ANKRD17: variants seen among roughly 807,000 people sequenced by gnomAD.
ANKRD17 encodes ankyrin repeat domain 17.
Under a neutral mutation model 229.7 loss-of-function variants are expected in ANKRD17, and 19 were observed. The ratio of observed to expected loss-of-function variants is 0.08; its 90% confidence interval spans 0.06 to 0.12. The LOEUF (loss-of-function observed/expected upper bound fraction) is 0.12, where lower values mean the gene tolerates loss of function less well. ANKRD17 is among the 10% of genes least tolerant of loss of function. The probability of loss-of-function intolerance (pLI) is 1.00; values close to 1 mark genes in which losing one functional copy is unlikely to be tolerated. For missense variants in ANKRD17, 2,176 were observed against 3,176.8 expected (o/e 0.68, Z 7.57); for synonymous variants, 1,112 against 1,146.1 (o/e 0.97, Z 0.60).
chr4:73,228,879 A>C (rs1158086858), intron 1 of ANKRD17, among the ~76,000 whole-genome samples: 1 of 152,224 alleles, frequency 6.6e-6, no homozygotes, highest in African/African-American at 2.4e-5. Flanking sequence ...ACTTGGAACC[A>C]ACCCAAATGT....
At chr4:73,215,937 G>A (rs894338379) in intron 1 of ANKRD17, among the ~76,000 whole-genome samples, 2 of 152,132 alleles carry the variant, frequency 1.3e-5, no homozygotes, top group Non-Finnish European at 2.9e-5. Flanking sequence ...ATGGTGGCTG[G>A]CACCTGTAGT....
intron 7 of ANKRD17, among the ~76,000 whole-genome samples, chr4:73,151,155 C>A (rs546241299): frequency 2.6e-5 from 4 of 152,242 alleles, no homozygotes; most frequent in Admixed American, 2.6e-4. Flanking sequence ...AGATTACAGT[C>A]ATAAGCCACC....
chr4:73,238,826 C>G (rs1046273749), intron 1 of ANKRD17, among the ~76,000 whole-genome samples: 1 of 152,142 alleles, frequency 6.6e-6, no homozygotes, highest in Non-Finnish European at 1.5e-5. Flanking sequence ...AGCAGACTTT[C>G]ATGTGAGACT....
intron 16 of ANKRD17, among the ~76,000 whole-genome samples, chr4:73,132,335 CTA>C (rs1269353673): frequency 7.9e-5 from 12 of 152,118 alleles, no homozygotes; most frequent in African/African-American, 2.9e-4. Context: ...TCTCGAACTC[CTA>C]ACCTCAGGTG....
At chr4:73,195,481 T>A (rs368622399) in intron 1 of ANKRD17, among the ~76,000 whole-genome samples, 2 of 152,056 alleles carry the variant, frequency 1.3e-5, no homozygotes, top group African/African-American at 4.8e-5. Context: ...GTGCACGAAG[T>A]CATGTAGACT....
Position 73,140,234 on chromosome 4 carries a change from A to G in ANKRD17, c.2382T>C (p.Asp794=), listed in dbSNP as rs201636925. 3.2e-5 allele frequency: 51 copies of G among 1,602,220 alleles called. No individual in the cohort carries two copies. In the East Asian group the frequency reaches 1.1e-3, roughly 36 times the overall value. The change falls in exon 15 of 34, where the codon GAT becomes GAC. Residue 794 remains aspartate, a synonymous_variant. Coordinates refer to ENST00000358602, the MANE Select transcript of ANKRD17 (RefSeq NM_032217.5). ...SSSHLPANSQ[D]VQGYITNQSP... ...ACTGATTGGTGATGTAACCCTGTAC[A>G]TCCTGGCTGTTTGCTGGCAAATGGC...
chr4:73,119,240 A>G (rs186332756), intron 21 of ANKRD17, among the ~76,000 whole-genome samples: 166 of 152,268 alleles, frequency 1.1e-3, no homozygotes, highest in African/African-American at 3.9e-3. Context: ...AACTATCAAC[A>G]TGTGAAAATA....
chr4:73,083,924 G>A (rs1427468051), intron 30 of ANKRD17, among the ~76,000 whole-genome samples: 4 of 132,562 alleles, frequency 3.0e-5, no homozygotes, highest in Non-Finnish European at 6.5e-5. Flanking sequence ...GAAGAAATTT[G>A]ATAGTTAAAA....
At chr4:73,227,857 A>T (rs1475481126) in intron 1 of ANKRD17, among the ~76,000 whole-genome samples, 2 of 152,194 alleles carry the variant, frequency 1.3e-5, no homozygotes, top group Non-Finnish European at 2.9e-5. Flanking sequence ...GTTTTGCATG[A>T]CTTAACACTT....
In ANKRD17 at chr4:73,258,728, A is replaced by C; in HGVS notation, c.-60T>G. 7.3e-7 allele frequency: 1 copy of C among 1,368,670 alleles called. No homozygotes were observed. The highest frequency in any genetic ancestry group is 9.3e-7 in the Non-Finnish European group (1 of 1,070,238). 84.8% of individuals were successfully genotyped at this position (1,368,670 alleles called of 1,614,324 possible). On this transcript the variant is annotated 5_prime_UTR_variant, in exon 1 of 34. Transcript: ENST00000358602. ...GGGCGTGGGGCTACGCTCTACCGCG[A>C]CTTCGGCCGCACTGGGGCCGACACA...
intron 24 of ANKRD17, chr4:73,113,453 G>T: frequency 8.9e-7 from 1 of 1,128,616 alleles, no homozygotes; most frequent in Non-Finnish European, 1.2e-6. Flanking sequence ...AAATTACAAG[G>T]TCTAAAACAA....
rs1379772063 is a variant in ANKRD17 at position 73,085,331 on chromosome 4, T to C, written c.7077A>G (p.Gly2359=). Residue 2359 remains glycine, a synonymous_variant, in exon 30 of 34, where the codon GGA becomes GGG. Coordinates refer to ENST00000358602, the MANE Select transcript of ANKRD17 (RefSeq NM_032217.5). ...GQMYGPGAPL[G]GAPAAANFNR... The stretch of plus-strand genomic sequence containing the variant: ...TAAAGTTAGCAGCTGCGGGTGCTCC[T>C]CCAAGGGGTGCCCCAGGTCCGTACA... 6.2e-7 allele frequency: 1 copy of C among 1,614,140 alleles called. No homozygotes were observed. Among genetic ancestry groups the C allele is most frequent in the East Asian group, 2.2e-5 (1 of 44,868 alleles).
chr4:73,091,620 A>T lies in ANKRD17; in HGVS notation c.6008T>A (p.Val2003Glu). The T allele has an allele frequency of 3.1e-6, 5 of 1,614,194 alleles. No homozygotes were observed. In the South Asian group the frequency reaches 5.5e-5, roughly 18 times the overall value. ...TGTTGTGGTGGCATTGGATGTCTTC[A>T]CAACTGTGACAAAAAGCTGCCTTCG... is the stretch of plus-strand genomic sequence containing the variant. ...SVRRQLFVTV[V>E]KTSNATTTTV... The change falls in exon 29 of 34, where the codon GTG becomes GAG. Residue 2003 changes from valine (V) to glutamate (E), a missense_variant. Transcript: ENST00000358602.
intron 29 of ANKRD17, among the ~76,000 whole-genome samples, chr4:73,088,357 G>T (rs1299279781): frequency 6.6e-6 from 1 of 152,104 alleles, no homozygotes; most frequent in East Asian, 1.9e-4. Flanking sequence ...TTAGGTAATT[G>T]ACTTGTAAGT....
chr4:73,135,405 C>G, intron 15 of ANKRD17, 140 bp from the exon 16 acceptor site: 1 of 692,724 alleles, frequency 1.4e-6, no homozygotes, highest in Non-Finnish European at 2.2e-6. Context: ...AACTAATTTT[C>G]CTGGTTATTA....
chr4:73,249,568 T>A (rs1448962035), intron 1 of ANKRD17, among the ~76,000 whole-genome samples: 3 of 152,180 alleles, frequency 2.0e-5, no homozygotes, highest in African/African-American at 7.2e-5. Context: ...TATACTTAAG[T>A]AAAATCGGCC....
At chr4:73,249,891 G>A (rs1744833343) in intron 1 of ANKRD17, among the ~76,000 whole-genome samples, 1 of 152,056 alleles carries the variant, frequency 6.6e-6, no homozygotes, top group Non-Finnish European at 1.5e-5. Flanking sequence ...AAATTAAAAA[G>A]AAAGAATATA....
intron 24 of ANKRD17, among the ~76,000 whole-genome samples, chr4:73,112,416 C>G (rs1275735985): frequency 6.6e-6 from 1 of 152,156 alleles, no homozygotes; most frequent in Non-Finnish European, 1.5e-5. Context: ...AATATAAAAA[C>G]AGGTCAAGTA....
chr4:73,209,854 A>G (rs754015795), intron 1 of ANKRD17, among the ~76,000 whole-genome samples: 3 of 152,194 alleles, frequency 2.0e-5, no homozygotes, highest in Non-Finnish European at 2.9e-5. Context: ...GGATCACCTA[A>G]AAAGATGCAG....
Sources: allele counts gnomAD v4.1 joint callset (sites outside exome capture counted in the v4.1 genomes callset), GRCh38; gene constraint gnomAD v4.1.1; transcripts MANE v1.5; gene names NCBI Gene and HGNC (gene_info 2026-07-23, HGNC 2026-07-21).